FAM227B: variants seen among roughly 807,000 people sequenced by gnomAD.
FAM227B encodes the protein protein FAM227B.
A neutral mutation model predicts 73.8 loss-of-function variants in FAM227B; 88 were observed. The observed-to-expected ratio is 1.19, with a 90% CI of 1.00 to 1.42. The LOEUF (loss-of-function observed/expected upper bound fraction) is 1.42, where lower values mean the gene tolerates loss of function less well. Ranked by LOEUF, FAM227B falls within the 40% of genes most tolerant of loss-of-function variation. FAM227B has a pLI of 0.00. For missense variants in FAM227B, 632 were observed against 590.9 expected (o/e 1.07, Z -0.72); for synonymous variants, 210 against 190.5 (o/e 1.10, Z -0.84).
At chr15:49,523,836 C>A (rs768165338) in intron 10 of FAM227B, among the ~76,000 whole-genome samples, 5 of 152,142 alleles carry the variant, frequency 3.3e-5, no homozygotes, top group Non-Finnish European at 5.9e-5. Context: ...AAAGGTGACT[C>A]TTGTTATATT....
chr15:49,365,431 C>T (rs2151436977), intron 13 of FAM227B: 1 of 944,998 alleles, frequency 1.1e-6, no homozygotes. Context: ...ACGCAAGCAA[C>T]AGGCCTGTAC....
rs188595195 is a variant in FAM227B, at chr15:49,359,507, G to A, written c.1271+7941C>T. ...GAAAAAATGCTCATCATCACTGGCCGTCAGAGAAATGCAAATCAAAACCAC... is the reference window on the plus strand; with the variant it reads ...GAAAAAATGCTCATCATCACTGGCCATCAGAGAAATGCAAATCAAAACCAC... On this transcript the variant is annotated intron_variant, in intron 13 of 15. Transcript: ENST00000299338. 2.8e-4 allele frequency among the ~76,000 whole-genome samples: 33 copies of A among 116,886 alleles called. 5 individuals carry two copies. The highest frequency in any genetic ancestry group is 1.0e-3 in the East Asian group (4 of 4,010). The allele number at this position is 116,886 out of a possible 152,430, so 76.7% of individuals were successfully genotyped here.
chr15:49,413,768 G>GTTCA (rs2049028020), intron 11 of FAM227B, among the ~76,000 whole-genome samples: 1 of 151,542 alleles, frequency 6.6e-6, no homozygotes, highest in Middle Eastern at 3.4e-3. Context: ...CTTTCCCTTT[G>GTTCA]TTCAGTATAC....
chr15:49,397,592 TAGAG>T (rs1483272835), intron 11 of FAM227B, among the ~76,000 whole-genome samples: 2 of 151,900 alleles, frequency 1.3e-5, no homozygotes, highest in Non-Finnish European at 2.9e-5. Flanking sequence ...TAAGGGCAGC[TAGAG>T]AGAAAGGTCG....
At chr15:49,421,655 G>A (rs186751385) in intron 11 of FAM227B, among the ~76,000 whole-genome samples, 2 of 152,270 alleles carry the variant, frequency 1.3e-5, no homozygotes, top group East Asian at 3.9e-4. Flanking sequence ...TGGAACAAAT[G>A]GATTTAGTAG....
intron 11 of FAM227B, among the ~76,000 whole-genome samples, chr15:49,390,088 G>A (rs1174762164): frequency 6.6e-6 from 1 of 152,052 alleles, no homozygotes; most frequent in Non-Finnish European, 1.5e-5. Flanking sequence ...TTGAAGATAA[G>A]TATGAACACG....
chr15:49,578,983 A>G (rs966685618), intron 5 of FAM227B, among the ~76,000 whole-genome samples: 2 of 152,160 alleles, frequency 1.3e-5, no homozygotes, highest in Non-Finnish European at 1.5e-5. Flanking sequence ...AAACACAAAT[A>G]ATACCATGAA....
chr15:49,540,210 T>C (rs868343876), intron 10 of FAM227B, among the ~76,000 whole-genome samples: 1 of 152,034 alleles, frequency 6.6e-6, no homozygotes, highest in African/African-American at 2.4e-5. Flanking sequence ...CTGCAGGGAG[T>C]GTGTGGCTGC....
intron 11 of FAM227B, among the ~76,000 whole-genome samples, chr15:49,507,302 A>T (rs1289851939): frequency 6.6e-6 from 1 of 152,156 alleles, no homozygotes; most frequent in Non-Finnish European, 1.5e-5. Flanking sequence ...TTCTAGAATC[A>T]GATTAACTAA....
chr15:49,373,848 T>A (rs1029671478), intron 11 of FAM227B, among the ~76,000 whole-genome samples: 7 of 152,096 alleles, frequency 4.6e-5, no homozygotes, highest in Non-Finnish European at 1.0e-4. Flanking sequence ...GACTAAACTA[T>A]ACAAACAGAA....
intron 5 of FAM227B, among the ~76,000 whole-genome samples, chr15:49,582,324 G>C (rs1433387073): frequency 6.6e-6 from 1 of 152,110 alleles, no homozygotes. Context: ...AAAAGCAGGA[G>C]TTGCAATCCT....
intron 11 of FAM227B, among the ~76,000 whole-genome samples, chr15:49,462,822 G>A (rs34377746): frequency 0.052 from 7,968 of 152,226 alleles, 357 homozygotes; most frequent in East Asian, 0.23. Flanking sequence ...AAGGATGACT[G>A]TATTCTGAAA....
chr15:49,499,561 T>C (rs947897585), intron 11 of FAM227B, among the ~76,000 whole-genome samples: 5 of 152,140 alleles, frequency 3.3e-5, no homozygotes, highest in Admixed American at 1.3e-4. Context: ...CAAATTTATA[T>C]GGAAATGACA....
intron 3 of FAM227B, among the ~76,000 whole-genome samples, chr15:49,591,746 A>G (rs2076592528): frequency 6.6e-6 from 1 of 151,942 alleles, no homozygotes; most frequent in South Asian, 2.1e-4. Flanking sequence ...CGGCCTCCCA[A>G]AATGCTGCGA....
chr15:49,423,127 CAAG>C (rs1195361271), intron 11 of FAM227B: 1 of 162,338 alleles, frequency 6.2e-6, no homozygotes, highest in African/African-American at 2.4e-5. Context: ...GAATACTATA[CAAG>C]CCTCCTTTTA....
chr15:49,536,072 C>CAAAAAA (rs59203003), intron 10 of FAM227B, among the ~76,000 whole-genome samples: 662 of 113,684 alleles, frequency 5.8e-3, no homozygotes, highest in Non-Finnish European at 9.1e-3. Flanking sequence ...GGCAATCAGA[C>CAAAAAA]AAAAAAAAAA....
At position 49,525,702 on chromosome 15, in the gene FAM227B, ATATATATAT is replaced by A. The variant is rs1370515256; in HGVS notation, c.874+15969_874+15977del. On this transcript the variant is annotated intron_variant, in intron 10 of 15. Coordinates refer to ENST00000299338, the MANE Select transcript of FAM227B (RefSeq NM_152647.3). ...TATATATATATATATATATATATAT[ATATATATAT>A]ATATATATCACAAACAGAGCACAAA... 5.9e-4 allele frequency among the ~76,000 whole-genome samples: 42 copies of A among 71,306 alleles called. No homozygotes were observed. In the Middle Eastern group the frequency reaches 0.019, roughly 33 times the overall value. The allele number at this position is 71,306 out of a possible 152,430, so 46.8% of individuals were successfully genotyped here. A position where few individuals can be genotyped will look rare whatever the true frequency, so the allele number is the denominator to read the frequency against.
chr15:49,617,483 C>A (rs1214506338), intron 1 of FAM227B, among the ~76,000 whole-genome samples: 1 of 151,854 alleles, frequency 6.6e-6, no homozygotes, highest in Non-Finnish European at 1.5e-5. Context: ...GAAACTAGAA[C>A]AAAAATGTTA....
chr15:49,397,044 A>C (rs1267835844), intron 11 of FAM227B, among the ~76,000 whole-genome samples: 2 of 152,136 alleles, frequency 1.3e-5, no homozygotes, highest in Non-Finnish European at 1.5e-5. Context: ...TGATCAAATT[A>C]CTCTGAGCTA....
Sources: allele counts gnomAD v4.1 joint callset (sites outside exome capture counted in the v4.1 genomes callset), GRCh38; gene constraint gnomAD v4.1.1; transcripts MANE v1.5; gene names NCBI Gene and HGNC (gene_info 2026-07-23, HGNC 2026-07-21).